The following TNXB variants were observed in gnomAD, a reference collection of about 807,000 sequenced individuals.
The protein encoded by TNXB is tenascin XB, also known as tenascin-X.
Under a neutral mutation model 340.5 loss-of-function variants are expected in TNXB, and 183 were observed. The ratio of observed to expected loss-of-function variants is 0.54; its 90% CI spans 0.48 to 0.61. The LOEUF (loss-of-function observed/expected upper bound fraction) is 0.61, where lower values mean the gene tolerates loss of function less well. Among genes scored for constraint, TNXB ranks in the 20% least tolerant of loss-of-function variants. The pLI is 0.00. For synonymous variants in TNXB, 2,121 were observed against 2,314.5 expected, an observed-to-expected ratio of 0.92 and a Z score of 2.40; for missense variants, 4,613 against 5,446.4, an observed-to-expected ratio of 0.85 and a Z score of 4.82.
In TNXB at chr6:32,074,919, A is replaced by T. The variant is rs564343858; in HGVS notation, c.4376-967T>A. Among the ~76,000 whole-genome samples the T allele has an allele frequency of 3.9e-5, 6 of 152,270 alleles. No homozygotes were observed. Among genetic ancestry groups the T allele is most frequent in the African/African-American group, 1.2e-4 (5 of 41,540 alleles). On this transcript the variant is annotated intron_variant, in intron 11 of 43. Transcript: ENST00000644971. The surrounding 1 kb of genome is among the most constrained non-coding windows in gnomAD (Gnocchi z 5.5). ...GGTCTTGAACTCCCGACCTCAGGTGATCCGCCCGCCTCGGCCTCCCCAAGT... is the reference window on the plus strand; with the variant it reads ...GGTCTTGAACTCCCGACCTCAGGTGTTCCGCCCGCCTCGGCCTCCCCAAGT...
intron 35 of TNXB, 27 bp downstream of exon 35, chr6:32,043,722 C>G (rs1776612937): frequency 1.2e-6 from 2 of 1,613,432 alleles, no homozygotes; most frequent in Non-Finnish European, 1.7e-6. Context: ...GCTCCCACCT[C>G]TTGCCCCGGG....
Position 32,096,255 on chromosome 6 carries a change from C to T in TNXB, c.1598G>A (p.Arg533His), listed in dbSNP as rs760964583. The change falls in exon 3 of 44, where the codon CGT becomes CAT. Residue 533 changes from arginine to histidine, a missense_variant. By Grantham distance (29) the Arg-to-His change is conservative. Around this residue, in one of 7 missense-constraint regions of TNXB, gnomAD observed 4,327 missense variants for 4,859.4 expected, o/e 0.89. Coordinates refer to ENST00000644971, the MANE Select transcript of TNXB (RefSeq NM_001365276.2). ...CGSRRCPGDC[R>H]GHGLCEDGVC... ...GCCATCCTCGCAAAGGCCGTGCCCACGGCAGTCCCCGGGACAGCGACGGCT... is the reference window on the plus strand; with the variant it reads ...GCCATCCTCGCAAAGGCCGTGCCCATGGCAGTCCCCGGGACAGCGACGGCT... 4.3e-5 allele frequency: 68 copies of T among 1,564,958 alleles called. No homozygotes were observed. Among genetic ancestry groups the T allele is most frequent in the Non-Finnish European group, 5.1e-5 (59 of 1,159,192 alleles).
rs750643789 is a variant in TNXB, at chr6:32,055,971, T to C, written c.8347A>G (p.Arg2783Gly). Residue 2783 changes from arginine (R) to glycine (G), a missense_variant, in exon 24 of 44, where the codon AGG becomes GGG. Arg to Gly is a moderately radical substitution (Grantham distance 125). This residue lies in a region of TNXB where 4,327 missense variants were observed against 4,859.4 expected (regional missense o/e 0.89). Coordinates refer to ENST00000644971, the MANE Select transcript of TNXB (RefSeq NM_001365276.2). ...RDGRPQVMRV[R>G]GEESEVTVGG... Reference sequence around the variant, plus strand: ...ACGGTGACCTCGCTCTCCTCGCCCCTGACACGCATCACCTGGGGCCGCCCG... The same window carrying C: ...ACGGTGACCTCGCTCTCCTCGCCCCCGACACGCATCACCTGGGGCCGCCCG... The C allele has an allele frequency of 3.7e-6, 6 of 1,613,318 alleles. No homozygotes were observed. Among genetic ancestry groups the C allele is most frequent in the East Asian group, 2.2e-5 (1 of 44,886 alleles).
rs370447794 is a variant in TNXB at position 32,049,349 on chromosome 6, G to A, written c.9678C>T (p.Pro3226=). The change falls in exon 28 of 44, where the codon CCC becomes CCT. Residue 3226 remains proline, a synonymous_variant. Transcript: ENST00000644971. This position sits in a 1 kb window ranked among gnomAD's most constrained non-coding sequence, Gnocchi z 4.5. ...ACAGATGCATCTTGTATTTGCGCCC[G>A]GGCTCCAGGCCCCCCACGGTGACCT... ...ESEVTVGGLE[P]GRKYKMHLYG... 3.3e-5 allele frequency: 53 copies of A among 1,612,316 alleles called. No homozygotes were observed. The highest frequency in any genetic ancestry group is 8.8e-5 in the South Asian group (8 of 91,012).
rs779507521 is a variant in TNXB at position 32,096,747 on chromosome 6, C to T, written c.1106G>A (p.Ser369Asn). The change falls in exon 3 of 44, where the codon AGC becomes AAC. Residue 369 changes from serine (S) to asparagine (N), a missense_variant. This residue lies in a region of TNXB where 4,327 missense variants were observed against 4,859.4 expected (regional missense o/e 0.89). Transcript: ENST00000644971. ...CWPGYTGEDC[S>N]TRTCPRDCRG... ...GCAGTCCCTCGGACATGTCCGCGTG[C>T]TGCAGTCCTCGCCTGTGTACCCGGG... 43 of 1,554,552 alleles carry T rather than the reference C, an allele frequency of 2.8e-5. No homozygotes were observed. The Admixed American group carries it at 8.3e-4, about 30-fold the overall frequency.
rs776068601 is a variant in TNXB, at chr6:32,042,481, T to A, written c.12184A>T (p.Met4062Leu). Residue 4062 changes from methionine to leucine, a missense_variant, in exon 40 of 44, where the codon ATG (methionine) becomes TTG (leucine). By Grantham distance (15) the Met-to-Leu change is conservative. Around this residue, in one of 7 missense-constraint regions of TNXB, gnomAD observed 121 missense variants for 177.4 expected, o/e 0.68. Transcript: ENST00000644971. ...RERPLNVFCD[M>L]ETDGGGWLVF... is the part of the protein sequence containing the mutation. ...AGCCAGCCGCCCCCATCAGTCTCCA[T>A]GTCGCAAAACACGTTCAGGGGCCGC... 1.6e-5 allele frequency: 25 copies of A among 1,612,750 alleles called. No individual in the cohort carries two copies. Among genetic ancestry groups the A allele is most frequent in the Non-Finnish European group, 2.0e-5 (24 of 1,179,978 alleles).
At position 32,048,481 on chromosome 6, in the gene TNXB, G is replaced by T; in HGVS notation, c.9927C>A (p.Ser3309Arg). The T allele has an allele frequency of 6.2e-7, 1 of 1,600,882 alleles. No individual in the cohort carries two copies. The highest frequency in any genetic ancestry group is 8.5e-7 in the Non-Finnish European group (1 of 1,174,420). ...AQGQPQAVPV[S>R]GDLRAVAVSG... is the part of the protein sequence containing the mutation. ...AGACGGCGACCGCTCGGAGGTCTCC[G>T]CTCACAGGCACTGCCTGGGGCTGCC... Residue 3309 changes from serine (S) to arginine (R), a missense_variant, in exon 29 of 44, where the codon AGC (serine) becomes AGA (arginine). Physicochemically the swap from Ser to Arg is moderately radical, Grantham distance 110 (BLOSUM62 -1). Around this residue, in one of 7 missense-constraint regions of TNXB, gnomAD observed 4,327 missense variants for 4,859.4 expected, o/e 0.89. Coordinates refer to ENST00000644971, the MANE Select transcript of TNXB (RefSeq NM_001365276.2).
At chr6:32,059,256 T>C (rs1300473209) in intron 21 of TNXB, among the ~76,000 whole-genome samples, 1 of 150,834 alleles carries the variant, frequency 6.6e-6, no homozygotes, top group African/African-American at 2.5e-5. Context: ...CGGTCTCTAC[T>C]GAAAATACAA....
rs78473300 is a variant in TNXB, at chr6:32,074,889, A to C, written c.4376-937T>G. Among the ~76,000 whole-genome samples the C allele has an allele frequency of 6.6e-6, 1 of 152,154 alleles. No homozygotes were observed. Reference sequence around the variant, plus strand: ...GAGATGGGGTTTCTCCACGTTAGTCAGGTTGGTCTTGAACTCCCGACCTCA... The same window carrying C: ...GAGATGGGGTTTCTCCACGTTAGTCCGGTTGGTCTTGAACTCCCGACCTCA... On this transcript the variant is annotated intron_variant, in intron 11 of 43. Transcript: ENST00000644971. This position sits in a 1 kb window ranked among gnomAD's most constrained non-coding sequence, Gnocchi z 5.5.
chr6:32,072,919 C>T lies in TNXB; in HGVS notation c.4682-621G>A, dbSNP rs1778862223. ...TGAGCCGAGATCGCGCCATTGCACT[C>T]CAGCCTGGATGACAAGAGCAAAACT... On this transcript the variant is annotated intron_variant, in intron 12 of 43. Coordinates refer to ENST00000644971, the MANE Select transcript of TNXB (RefSeq NM_001365276.2). The surrounding 1 kb of genome is among the most constrained non-coding windows in gnomAD (Gnocchi z 4.4). Among the ~76,000 whole-genome samples the T allele has an allele frequency of 6.6e-6, 1 of 152,158 alleles. No individual in the cohort carries two copies. The highest frequency in any genetic ancestry group is 6.5e-5 in the Admixed American group (1 of 15,286).
In TNXB at chr6:32,086,120, T is replaced by C. The variant is rs1779762356; in HGVS notation, c.2780-2A>G. On this transcript the variant is annotated splice_acceptor_variant, in intron 6 of 43. Coordinates refer to ENST00000644971, the MANE Select transcript of TNXB (RefSeq NM_001365276.2). LOFTEE classifies it high-confidence loss of function. ...CCAAGAGGCCCAAGGGTGAGGACCCTGGGAAGGGGCAGGGTGAGAAAAAGA... is the reference window on the plus strand; with the variant it reads ...CCAAGAGGCCCAAGGGTGAGGACCCCGGGAAGGGGCAGGGTGAGAAAAAGA... The C allele has an allele frequency of 4.0e-6, 6 of 1,505,080 alleles. No homozygotes were observed. The highest frequency in any genetic ancestry group is 5.3e-6 in the Non-Finnish European group (6 of 1,123,440). The allele number at this position is 1,505,080 out of a possible 1,614,324, so 93.2% of individuals were successfully genotyped here.
rs1189226158 is a variant in TNXB, at chr6:32,083,851, G to A, written c.3445+562C>T. On this transcript the variant is annotated intron_variant, in intron 8 of 43. Transcript: ENST00000644971. This position sits in a 1 kb window ranked among gnomAD's most constrained non-coding sequence, Gnocchi z 4.6. ...AATATCTTTTGTTATAGTAGAGATG[G>A]GGGGTCTCACTATGTTGCCAGGTTG... 6.6e-6 allele frequency among the ~76,000 whole-genome samples: 1 copy of A among 152,004 alleles called. No individual in the cohort carries two copies. Among genetic ancestry groups the A allele is most frequent in the Non-Finnish European group, 1.5e-5 (1 of 67,982 alleles).
chr6:32,046,656 G>A lies in TNXB; in HGVS notation c.10325-200C>T. 1 of 488,882 alleles carries A rather than the reference G, an allele frequency of 2.0e-6. No individual in the cohort carries two copies. Among genetic ancestry groups the A allele is most frequent in the African/African-American group, 1.9e-5 (1 of 52,722 alleles). 30.3% of individuals were successfully genotyped at this position (488,882 alleles called of 1,614,324 possible). ...ACAGCCCCCTCCTCCTCTGGAGGCTGCTGCCCAAACTCCTTCCTGCCCCGC... is the reference window on the plus strand; with the variant it reads ...ACAGCCCCCTCCTCCTCTGGAGGCTACTGCCCAAACTCCTTCCTGCCCCGC... On this transcript the variant is annotated intron_variant, in intron 30 of 43. Transcript: ENST00000644971. This position sits in a 1 kb window ranked among gnomAD's most constrained non-coding sequence, Gnocchi z 6.9.
chr6:32,096,639 G>A lies in TNXB; in HGVS notation c.1214C>T (p.Pro405Leu). 6.5e-7 allele frequency: 1 copy of A among 1,546,976 alleles called. No individual in the cohort carries two copies. The highest frequency in any genetic ancestry group is 2.4e-5 in the East Asian group (1 of 40,878). ...SGDDCGVRSCPGDCNQRGRCE... is the reference protein window; with the variant it reads ...SGDDCGVRSCLGDCNQRGRCE... ...GCGGCCCCTTTGGTTGCAGTCGCCAGGGCAGCTGCGCACGCCGCAGTCGTC... is the reference window on the plus strand; with the variant it reads ...GCGGCCCCTTTGGTTGCAGTCGCCAAGGCAGCTGCGCACGCCGCAGTCGTC... Residue 405 changes from proline to leucine, a missense_variant, in exon 3 of 44, where the codon CCT becomes CTT. By Grantham distance (98) the Pro-to-Leu change is moderately conservative. This residue lies in a region of TNXB where 4,327 missense variants were observed against 4,859.4 expected (regional missense o/e 0.89). Transcript: ENST00000644971.
rs373494712 is a variant in TNXB, at chr6:32,061,541, C to G, written c.7348G>C (p.Gly2450Arg). 2 of 1,613,580 alleles carry G rather than the reference C, an allele frequency of 1.2e-6. No homozygotes were observed. The highest frequency in any genetic ancestry group is 8.5e-7 in the Non-Finnish European group (1 of 1,179,872). The change falls in exon 21 of 44, where the codon GGG becomes CGG. Residue 2450 changes from glycine to arginine, a missense_variant. This residue lies in a region of TNXB where 4,327 missense variants were observed against 4,859.4 expected (regional missense o/e 0.89). Transcript: ENST00000644971. The surrounding 1 kb of genome is among the most constrained non-coding windows in gnomAD (Gnocchi z 4.4). ...CCAACACGCACCACCTGGGGCCGCC[C>G]GTCCCTGTCCTTGTACTGCACGGTG... ...SFTVQYKDRD[G>R]RPQVVRVGGE...
chr6:32,098,261 T>C, intron 1 of TNXB, 55 bp from the exon 2 acceptor site: 3 of 1,336,152 alleles, frequency 2.2e-6, no homozygotes, highest in Non-Finnish European at 2.0e-6. Context: ...ACAAAATGAA[T>C]CCCCCCTTCT....
At chr6:32,107,995 A>G (rs1269732096) in intron 1 of TNXB, among the ~76,000 whole-genome samples, 1 of 152,094 alleles carries the variant, frequency 6.6e-6, no homozygotes, top group African/African-American at 2.4e-5. Flanking sequence ...TCGGCCTGGG[A>G]ATGGAAAAAT....
At chr6:32,088,610 C>A (rs1362596797) in intron 6 of TNXB, among the ~76,000 whole-genome samples, 175 bp downstream of exon 6, 2 of 152,220 alleles carry the variant, frequency 1.3e-5, no homozygotes, top group Non-Finnish European at 2.9e-5. Context: ...CATCTGAGGG[C>A]TCTGTCTCCC....
In TNXB at chr6:32,079,877, G is replaced by C. The variant is rs1304618578; in HGVS notation, c.4043-512C>G. 6.6e-6 allele frequency among the ~76,000 whole-genome samples: 1 copy of C among 152,232 alleles called. No individual in the cohort carries two copies. The highest frequency in any genetic ancestry group is 6.5e-5 in the Admixed American group (1 of 15,292). On this transcript the variant is annotated intron_variant, in intron 10 of 43. Transcript: ENST00000644971. The surrounding 1 kb of genome is among the most constrained non-coding windows in gnomAD (Gnocchi z 7.1). ...AAATTCTGGGGTGAGTGGGATCCAA[G>C]GAGAGACATGTCCTTCCCTGGCTGG...
Sources: gnomAD v4.1 joint callset for allele counts (sites outside exome capture counted in the v4.1 genomes callset) on GRCh38, gnomAD v4.1.1 for gene constraint, gnomAD v4.1.1 regional missense constraint, Gnocchi (gnomAD v3.1) non-coding constraint, MANE v1.5 for transcripts, NCBI Gene and HGNC (gene_info 2026-07-23, HGNC 2026-07-21) for gene names.